MSL2: variants seen among roughly 807,000 people sequenced by gnomAD.
MSL2 encodes the protein E3 ubiquitin-protein ligase MSL2.
MSL2 carries 2 observed loss-of-function variants against 35.8 expected under a neutral mutation model. That is an observed-to-expected ratio of 0.06 (90% CI 0.02 to 0.18). The LOEUF is 0.18. MSL2 is among the 10% of genes least tolerant of loss of function. MSL2 has a pLI of 1.00. For missense variants in MSL2, 523 were observed against 706.7 expected, an observed-to-expected ratio of 0.74 and a Z score of 2.95; for synonymous variants, 296 against 255.7, an observed-to-expected ratio of 1.16 and a Z score of -1.50.
intron 1 of MSL2, among the ~76,000 whole-genome samples, chr3:136,159,633 G>C (rs1193231156): frequency 6.6e-6 from 1 of 151,302 alleles, no homozygotes; most frequent in East Asian, 2.0e-4. Context: ...GCCTCCCAAA[G>C]TGCTGCGATT....
At chr3:136,184,793 T>G in intron 1 of MSL2, among the ~76,000 whole-genome samples, 1 of 134,262 alleles carries the variant, frequency 7.4e-6, no homozygotes, top group South Asian at 2.3e-4. Context: ...AAGGACAAAC[T>G]GAGGAGGACA....
At chr3:136,181,016 G>A (rs1180947811) in intron 1 of MSL2, among the ~76,000 whole-genome samples, 6 of 151,710 alleles carry the variant, frequency 4.0e-5, no homozygotes, top group Admixed American at 3.9e-4. Flanking sequence ...AATCAGGCAT[G>A]GTGGCACATG....
intron 1 of MSL2, among the ~76,000 whole-genome samples, chr3:136,177,960 T>C (rs188438771): frequency 5.4e-4 from 82 of 152,320 alleles, no homozygotes; most frequent in African/African-American, 1.9e-3. Context: ...TAATTTTGTA[T>C]TGAATCATCT....
At chr3:136,173,825 T>C (rs181347106) in intron 1 of MSL2, among the ~76,000 whole-genome samples, 2 of 152,278 alleles carry the variant, frequency 1.3e-5, no homozygotes, top group Admixed American at 6.5e-5. Context: ...AGCCCCTACC[T>C]ACCTGTCTTC....
chr3:136,185,019 G>T (rs1940479502), intron 1 of MSL2, among the ~76,000 whole-genome samples: 2 of 152,118 alleles, frequency 1.3e-5, no homozygotes, highest in South Asian at 4.1e-4. Context: ...CTGTAGCCCA[G>T]GCTGGAGTAC....
At chr3:136,181,809 C>T (rs111541872) in intron 1 of MSL2, among the ~76,000 whole-genome samples, 5,041 of 151,924 alleles carry the variant, frequency 0.033, 300 homozygotes, top group African/African-American at 0.11. Flanking sequence ...ATCCCAGCTA[C>T]TCGGGAGGCT....
At chr3:136,181,710 G>A (rs536926463) in intron 1 of MSL2, among the ~76,000 whole-genome samples, 2 of 152,148 alleles carry the variant, frequency 1.3e-5, no homozygotes, top group South Asian at 2.1e-4. Context: ...CCTGAGGTCA[G>A]GAGTTGAAGA....
intron 1 of MSL2, among the ~76,000 whole-genome samples, chr3:136,182,271 T>C (rs1041779134): frequency 3.3e-5 from 5 of 152,330 alleles, no homozygotes; most frequent in East Asian, 1.9e-4. Flanking sequence ...GAAATTTAAA[T>C]TGTCACATAT....
intron 1 of MSL2, among the ~76,000 whole-genome samples, chr3:136,191,336 G>A (rs532611966): frequency 6.6e-6 from 1 of 151,986 alleles, no homozygotes; most frequent in Non-Finnish European, 1.5e-5. Context: ...GTGTGGTGGC[G>A]TGAGTCTGTA....
Position 136,151,153 on chromosome 3 carries a change from G to C in MSL2, c.1728C>G (p.Asp576Glu), listed in dbSNP as rs1287677731. The part of the protein sequence containing the change: ...SLDEAIDMRF[D>E]C ...GTTTAAAAGACCCACTGATTTAACA[G>C]TCGAATCTCATGTCTATAGCTTCAT... Residue 576 changes from aspartate to glutamate, a missense_variant, in exon 2 of 2, where the codon GAC (aspartate) becomes GAG (glutamate). By Grantham distance (45) the Asp-to-Glu change is conservative (BLOSUM62 2). Coordinates refer to ENST00000309993, the MANE Select transcript of MSL2 (RefSeq NM_018133.4). This position sits in a 1 kb window ranked among gnomAD's most constrained non-coding sequence, Gnocchi z 5.2. 1 of 1,608,890 alleles carries C rather than the reference G, an allele frequency of 6.2e-7. No homozygotes were observed. Among genetic ancestry groups the C allele is most frequent in the Non-Finnish European group, 8.5e-7 (1 of 1,175,490 alleles).
At chr3:136,188,904 G>A (rs1270091570) in intron 1 of MSL2, among the ~76,000 whole-genome samples, 2 of 151,546 alleles carry the variant, frequency 1.3e-5, no homozygotes, top group East Asian at 3.9e-4. Flanking sequence ...ATCATAAGAT[G>A]AAGGGCTGCA....
intron 1 of MSL2, among the ~76,000 whole-genome samples, chr3:136,181,878 C>T (rs547140267): frequency 1.3e-5 from 2 of 151,956 alleles, no homozygotes; most frequent in South Asian, 4.2e-4. Context: ...AACACAGTGT[C>T]ACTGCACTCC....
At chr3:136,191,639 G>A (rs1216946196) in intron 1 of MSL2, among the ~76,000 whole-genome samples, 2 of 152,084 alleles carry the variant, frequency 1.3e-5, no homozygotes, top group Non-Finnish European at 2.9e-5. Context: ...TGGGCATGAT[G>A]GTACATGCCT....
chr3:136,171,352 G>C (rs950751290), intron 1 of MSL2, among the ~76,000 whole-genome samples: 15 of 152,138 alleles, frequency 9.9e-5, no homozygotes, highest in Middle Eastern at 3.2e-3. Flanking sequence ...TGACCCAAAA[G>C]AAACTCTAAA....
rs900247843 is a variant in MSL2 at position 136,195,183 on chromosome 3, G to T, written c.-70C>A. 1 of 1,549,188 alleles carries T rather than the reference G, an allele frequency of 6.5e-7. No homozygotes were observed. Among genetic ancestry groups the T allele is most frequent in the Non-Finnish European group, 8.7e-7 (1 of 1,151,056 alleles). ...CGGATCCAACTTAGTAAGCAGCCAG[G>T]GAACGATGGCGAATTTGCAACAATT... On this transcript the variant is annotated 5_prime_UTR_variant, in exon 1 of 2. Transcript: ENST00000309993.
chr3:136,175,522 C>T (rs1234995771), intron 1 of MSL2, among the ~76,000 whole-genome samples: 1 of 151,532 alleles, frequency 6.6e-6, no homozygotes, highest in African/African-American at 2.4e-5. Context: ...CCTGCCTCTA[C>T]GAAAAATAAA....
chr3:136,152,304 C>G lies in MSL2; in HGVS notation c.577G>C (p.Gly193Arg), dbSNP rs1191176520. Reference protein sequence around the residue: ...SIAIGSSVINGLPTYNGLSID... With the variant: ...SIAIGSSVINRLPTYNGLSID... ...GAAAGCCCATTATAAGTAGGCAAAC[C>G]ATTGATAACAGAACTGCCAATAGCA... The change falls in exon 2 of 2, where the codon GGT becomes CGT. Residue 193 changes from glycine (G) to arginine (R), a missense_variant. By Grantham distance (125) the Gly-to-Arg change is moderately radical. Transcript: ENST00000309993. 6.2e-7 allele frequency: 1 copy of G among 1,613,856 alleles called. No individual in the cohort carries two copies. Among genetic ancestry groups the G allele is most frequent in the Non-Finnish European group, 8.5e-7 (1 of 1,179,904 alleles).
intron 1 of MSL2, among the ~76,000 whole-genome samples, chr3:136,193,805 G>T (rs1559976313): frequency 6.6e-6 from 1 of 152,142 alleles, no homozygotes; most frequent in Non-Finnish European, 1.5e-5. Context: ...TCACCAGTCA[G>T]AGTAGCACTT....
intron 1 of MSL2, among the ~76,000 whole-genome samples, chr3:136,161,338 T>C (rs1358712952): frequency 1.3e-5 from 2 of 152,188 alleles, no homozygotes; most frequent in Non-Finnish European, 1.5e-5. Flanking sequence ...AAATTTACCA[T>C]AGAAACCAGC....
Sources: allele counts gnomAD v4.1 joint callset (sites outside exome capture counted in the v4.1 genomes callset), GRCh38; gene constraint gnomAD v4.1.1; non-coding constraint Gnocchi (gnomAD v3.1); transcripts MANE v1.5; gene names NCBI Gene and HGNC (gene_info 2026-07-23, HGNC 2026-07-21).